The following MYO16 variants were observed in gnomAD, a reference collection of about 807,000 sequenced individuals.
The protein encoded by MYO16 is unconventional myosin-XVI.
Under a neutral mutation model 205.3 loss-of-function variants are expected in MYO16, and 94 were observed. That is an observed-to-expected ratio of 0.46 (90% CI 0.39 to 0.54). The LOEUF is 0.54. MYO16 is among the 20% of genes least tolerant of loss of function. The pLI is 0.00. For synonymous variants in MYO16, 988 were observed against 954.0 expected, an observed-to-expected ratio of 1.04 and a Z score of -0.66; for missense variants, 2,315 against 2,387.5, an observed-to-expected ratio of 0.97 and a Z score of 0.63.
intron 9 of MYO16, among the ~76,000 whole-genome samples, chr13:108,830,431 TA>T (rs1193744032): frequency 6.6e-6 from 1 of 151,160 alleles, no homozygotes; most frequent in Non-Finnish European, 1.5e-5. Flanking sequence ...TGTGCAGCCA[TA>T]AAAAAGGATG....
chr13:109,049,056 G>C (rs1032296502), intron 24 of MYO16: 3 of 70,432 alleles, frequency 4.3e-5, no homozygotes, highest in Non-Finnish European at 8.4e-5. Flanking sequence ...AGGATTTACT[G>C]TCAATTATGT....
At chr13:108,890,884 C>T (rs1880139291) in intron 14 of MYO16, among the ~76,000 whole-genome samples, 1 of 152,318 alleles carries the variant, frequency 6.6e-6, no homozygotes, top group East Asian at 1.9e-4. Context: ...TCCCCTTCCT[C>T]TTACTCTCTG....
intron 20 of MYO16, among the ~76,000 whole-genome samples, chr13:108,969,371 G>C (rs1883920101): frequency 6.6e-6 from 1 of 152,178 alleles, no homozygotes; most frequent in African/African-American, 2.4e-5. Context: ...GACCACCGAA[G>C]GTATTAACAA....
At chr13:108,740,465 C>G (rs1308817356) in intron 4 of MYO16, among the ~76,000 whole-genome samples, 1 of 152,168 alleles carries the variant, frequency 6.6e-6, no homozygotes, top group African/African-American at 2.4e-5. Flanking sequence ...TGCTGAACAG[C>G]AAATGTTGCT....
chr13:108,510,639 A>T, the MYO16 span, among the ~76,000 whole-genome samples: 1 of 42,640 alleles, frequency 2.3e-5, no homozygotes, highest in Admixed American at 2.5e-4. Context: ...CGACCCCACC[A>T]CAGTCCCCAG....
chr13:108,968,408 A>G (rs1269400159), intron 20 of MYO16, among the ~76,000 whole-genome samples: 1 of 152,134 alleles, frequency 6.6e-6, no homozygotes, highest in Non-Finnish European at 1.5e-5. Flanking sequence ...TCAGAAATTC[A>G]AGACCAGGCT....
At chr13:109,184,654 T>G (rs1335346045) in intron 34 of MYO16, among the ~76,000 whole-genome samples, 1 of 152,184 alleles carries the variant, frequency 6.6e-6, no homozygotes, top group Non-Finnish European at 1.5e-5. Context: ...TGGAGTTCAG[T>G]GGCGCAATCT....
At chr13:109,034,833 AAAAT>A (rs769334075) in intron 23 of MYO16, among the ~76,000 whole-genome samples, 14 of 152,174 alleles carry the variant, frequency 9.2e-5, no homozygotes, top group Non-Finnish European at 1.8e-4. Flanking sequence ...CTAGCCCCCT[AAAAT>A]AATAGTTTTG....
intron 2 of MYO16, among the ~76,000 whole-genome samples, chr13:108,684,907 T>C (rs1453131063): frequency 3.3e-5 from 5 of 152,126 alleles, no homozygotes; most frequent in African/African-American, 1.2e-4. Flanking sequence ...TGTTCATCAC[T>C]CTGTGTTTTA....
chr13:108,928,522 C>T (rs1882110637), intron 16 of MYO16, among the ~76,000 whole-genome samples: 1 of 152,046 alleles, frequency 6.6e-6, no homozygotes, highest in South Asian at 2.1e-4. Flanking sequence ...AAGTCATGTC[C>T]AGTGGATGTC....
chr13:108,600,654 A>T (rs1355415088), intron 1 of MYO16, among the ~76,000 whole-genome samples: 2 of 152,188 alleles, frequency 1.3e-5, no homozygotes, highest in African/African-American at 4.8e-5. Context: ...GTCATGGCTG[A>T]ACTATTTTAC....
chr13:108,720,760 T>C (rs195247), intron 3 of MYO16, among the ~76,000 whole-genome samples: 116,468 of 152,140 alleles, frequency 0.77, 45,661 homozygotes, highest in East Asian at 0.95. Context: ...CATGTAGACT[T>C]GTGAAAAGTC....
At chr13:109,085,711 G>A (rs1444835811) in intron 27 of MYO16, among the ~76,000 whole-genome samples, 1 of 152,214 alleles carries the variant, frequency 6.6e-6, no homozygotes, top group Admixed American at 6.5e-5. Context: ...CCAAGAAGCA[G>A]ATGCTGAGGA....
intron 29 of MYO16, among the ~76,000 whole-genome samples, chr13:109,123,245 T>C (rs897071605): frequency 1.3e-5 from 2 of 152,200 alleles, no homozygotes; most frequent in Non-Finnish European, 2.9e-5. Flanking sequence ...TAAAAGGCTA[T>C]TGGGATGAAG....
chr13:109,172,174 G>GTATTT, intron 33 of MYO16, among the ~76,000 whole-genome samples: 1 of 152,176 alleles, frequency 6.6e-6, no homozygotes, highest in Non-Finnish European at 1.5e-5. Flanking sequence ...TCTTTAATAT[G>GTATTT]TATTTTACAA....
upstream of MYO16, among the ~76,000 whole-genome samples, chr13:108,595,757 T>G (rs1423944474): frequency 1.3e-5 from 2 of 152,162 alleles, no homozygotes; most frequent in African/African-American, 4.8e-5. Flanking sequence ...AGTCCTTCTG[T>G]GTAAACCTTT....
At chr13:109,205,851 T>C (rs1209755843) in intron 34 of MYO16, among the ~76,000 whole-genome samples, 1 of 152,200 alleles carries the variant, frequency 6.6e-6, no homozygotes, top group African/African-American at 2.4e-5. Context: ...GTTCCCATCT[T>C]TGAGGGCTCA....
chr13:108,834,329 T>A (rs953975413), intron 9 of MYO16, among the ~76,000 whole-genome samples: 2 of 152,174 alleles, frequency 1.3e-5, no homozygotes, highest in African/African-American at 4.8e-5. Context: ...ATATGTGGGC[T>A]ATGTTCTTCC....
At chr13:108,814,368 C>T (rs1463527583) in intron 7 of MYO16, among the ~76,000 whole-genome samples, 1 of 151,804 alleles carries the variant, frequency 6.6e-6, no homozygotes, top group East Asian at 1.9e-4. Flanking sequence ...TTCTCTTTCC[C>T]TTCCTTCCTC....
Sources: gnomAD v4.1 joint callset for allele counts (sites outside exome capture counted in the v4.1 genomes callset) on GRCh38, gnomAD v4.1.1 for gene constraint, MANE v1.5 for transcripts, NCBI Gene and HGNC (gene_info 2026-07-23, HGNC 2026-07-21) for gene names.